MPPED2: variants seen among roughly 807,000 people sequenced by gnomAD.
The protein encoded by MPPED2 is metallophosphoesterase MPPED2.
Under a neutral mutation model 33.0 loss-of-function variants are expected in MPPED2, and 5 were observed. The observed-to-expected ratio is 0.15, with a 90% CI of 0.08 to 0.32. MPPED2 has a LOEUF of 0.32. MPPED2 is among the 10% of genes least tolerant of loss of function. The pLI, the probability that MPPED2 is intolerant of heterozygous loss-of-function variation, is 1.00. For synonymous variants in MPPED2, 136 were observed against 141.9 expected (o/e 0.96, Z 0.29); for missense variants, 275 against 372.1 (o/e 0.74, Z 2.15).
intron 3 of MPPED2, among the ~76,000 whole-genome samples, chr11:30,515,144 A>G (rs570004291): frequency 6.6e-6 from 1 of 152,334 alleles, no homozygotes; most frequent in Admixed American, 6.5e-5. Flanking sequence ...TCATCTTTAC[A>G]GTAACCTTAT....
intron 3 of MPPED2, among the ~76,000 whole-genome samples, chr11:30,518,549 C>CA (rs1371393475): frequency 2.6e-5 from 4 of 152,174 alleles, no homozygotes; most frequent in African/African-American, 4.8e-5. Context: ...GACCTATAAT[C>CA]ACTGTGTCCA....
chr11:30,506,364 T>C (rs1246993908), intron 3 of MPPED2, among the ~76,000 whole-genome samples: 2 of 152,172 alleles, frequency 1.3e-5, no homozygotes, highest in Non-Finnish European at 2.9e-5. Context: ...ATTTTTATCC[T>C]GTCTTCTGTT....
intron 6 of MPPED2, among the ~76,000 whole-genome samples, chr11:30,401,125 C>T (rs1459253951): frequency 6.6e-6 from 1 of 152,032 alleles, no homozygotes; most frequent in Non-Finnish European, 1.5e-5. Context: ...TATCATGTCC[C>T]CCAAAAAGTG....
Position 30,410,393 on chromosome 11 carries a change from T to A in MPPED2, c.*1075A>T. 1.0e-6 allele frequency: 1 copy of A among 985,758 alleles called. No homozygotes were observed. Among genetic ancestry groups the A allele is most frequent in the South Asian group, 4.7e-5 (1 of 21,282 alleles). 61.1% of individuals were successfully genotyped at this position (985,758 alleles called of 1,614,324 possible). On this transcript the variant is annotated 3_prime_UTR_variant, in exon 7 of 7. Transcript: ENST00000358117. ...AAACAGAAATGACTATTAGCGACAA[T>A]ATTTTGTGCTAGCGAAGATTGCATC...
chr11:30,508,767 G>A (rs1412210955), intron 3 of MPPED2, among the ~76,000 whole-genome samples: 1 of 152,154 alleles, frequency 6.6e-6, no homozygotes, highest in Admixed American at 6.6e-5. Context: ...GTGGTATGGT[G>A]TGTAGAACTC....
At position 30,540,280 on chromosome 11, in the gene MPPED2, G is replaced by A. The variant is rs565010760; in HGVS notation, c.129-4105C>T. Among the ~76,000 whole-genome samples, 43 of 152,290 alleles carry A rather than the reference G, an allele frequency of 2.8e-4. 1 individual carries two copies. In the South Asian group the frequency reaches 7.7e-3, roughly 27 times the overall value. On this transcript the variant is annotated intron_variant, in intron 2 of 6. Transcript: ENST00000358117. ...TCCAAAAATAGAGTAGCAGAATAGC[G>A]TAAGGGTGAAGGATGTTTGGCTGCA...
At chr11:30,510,530 T>C (rs1447524711) in intron 3 of MPPED2, among the ~76,000 whole-genome samples, 1 of 152,188 alleles carries the variant, frequency 6.6e-6, no homozygotes, top group South Asian at 2.1e-4. Flanking sequence ...ATTTTCTAGA[T>C]TGGTATCTTT....
intron 3 of MPPED2, among the ~76,000 whole-genome samples, chr11:30,515,116 T>G (rs1439339717): frequency 6.6e-6 from 1 of 151,934 alleles, no homozygotes; most frequent in African/African-American, 2.4e-5. Context: ...ACAAAAAACC[T>G]TTATACGTTA....
chr11:30,564,369 T>G (rs1163449294), intron 2 of MPPED2, among the ~76,000 whole-genome samples: 1 of 152,170 alleles, frequency 6.6e-6, no homozygotes, highest in Non-Finnish European at 1.5e-5. Flanking sequence ...AATGAAACAC[T>G]TCTATAGAAC....
chr11:30,408,209 A>G (rs578169923), downstream of MPPED2, among the ~76,000 whole-genome samples: 1 of 152,332 alleles, frequency 6.6e-6, no homozygotes, highest in Admixed American at 6.5e-5. Flanking sequence ...GCTGGGCCTC[A>G]GCTGAGAGGA....
At chr11:30,549,303 C>T (rs981935323) in intron 2 of MPPED2, among the ~76,000 whole-genome samples, 5 of 152,196 alleles carry the variant, frequency 3.3e-5, no homozygotes, top group Non-Finnish European at 5.9e-5. Context: ...ATTTCCCCTG[C>T]TCTATTTCCA....
rs140393689 is a variant in MPPED2 at position 30,497,700 on chromosome 11, C to CCTTT, written c.311-2183_311-2180dup. On this transcript the variant is annotated intron_variant, in intron 3 of 6. Transcript: ENST00000358117. ...TTTTCCCCCTTCAGACTGGGTTTTT[C>CCTTT]CTTTCTTTCTTTCTTTCTTTCTTTT... Among the ~76,000 whole-genome samples, 1,291 of 151,802 alleles carry CCTTT rather than the reference C, an allele frequency of 8.5e-3. 17 individuals are homozygous for CCTTT. Among genetic ancestry groups the CCTTT allele is most frequent in the African/African-American group, 0.022 (888 of 41,184 alleles).
chr11:30,420,253 G>A (rs1948552614), intron 4 of MPPED2, among the ~76,000 whole-genome samples: 1 of 152,176 alleles, frequency 6.6e-6, no homozygotes, highest in African/African-American at 2.4e-5. Flanking sequence ...AATGTGAGAA[G>A]GACTCAACCT....
intron 4 of MPPED2, among the ~76,000 whole-genome samples, chr11:30,441,715 A>G (rs1443003980): frequency 1.3e-5 from 2 of 152,152 alleles, no homozygotes; most frequent in South Asian, 2.1e-4. Flanking sequence ...CTTTTCCAGC[A>G]TGACAGCCTT....
At chr11:30,415,855 T>C (rs1565045172) in intron 5 of MPPED2, among the ~76,000 whole-genome samples, 2 of 152,228 alleles carry the variant, frequency 1.3e-5, no homozygotes, top group Non-Finnish European at 2.9e-5. Flanking sequence ...TTCCAAATAA[T>C]ACTCGAGTCA....
intron 6 of MPPED2, among the ~76,000 whole-genome samples, chr11:30,397,245 C>G (rs1348736025): frequency 1.3e-5 from 2 of 152,080 alleles, no homozygotes; most frequent in Admixed American, 1.3e-4. Flanking sequence ...TTTCCATTTT[C>G]TGAGTCATAC....
chr11:30,530,305 A>T (rs1410856484), intron 3 of MPPED2, among the ~76,000 whole-genome samples: 2 of 152,194 alleles, frequency 1.3e-5, no homozygotes, highest in Non-Finnish European at 2.9e-5. Flanking sequence ...GCAGGAAAAA[A>T]CATCTTGTAC....
At chr11:30,411,943 A>C (rs1948122062) in intron 6 of MPPED2, among the ~76,000 whole-genome samples, 1 of 151,986 alleles carries the variant, frequency 6.6e-6, no homozygotes, top group African/African-American at 2.4e-5. Context: ...AGTTCTAGGG[A>C]ATAAAATGAG....
At chr11:30,455,136 G>T (rs1166060452) in intron 4 of MPPED2, among the ~76,000 whole-genome samples, 1 of 152,224 alleles carries the variant, frequency 6.6e-6, no homozygotes, top group Non-Finnish European at 1.5e-5. Flanking sequence ...GTTGTCCCAA[G>T]AAGTTTTTAC....
Sources: gnomAD v4.1 joint callset for allele counts (sites outside exome capture counted in the v4.1 genomes callset) on GRCh38, gnomAD v4.1.1 for gene constraint, MANE v1.5 for transcripts, NCBI Gene and HGNC (gene_info 2026-07-23, HGNC 2026-07-21) for gene names.